The following LCORL variants were observed in gnomAD, a reference collection of about 807,000 sequenced individuals.
LCORL encodes ligand-dependent nuclear receptor corepressor-like protein.
A neutral mutation model predicts 141.8 loss-of-function variants in LCORL; 41 were observed. That is an observed-to-expected ratio of 0.29 (90% confidence interval 0.23 to 0.38). LCORL has a LOEUF of 0.38. LCORL is among the 10% of genes least tolerant of loss of function. The pLI is 1.00. For synonymous variants in LCORL, 618 were observed against 694.1 expected (o/e 0.89, Z 1.72); for missense variants, 1,759 against 2,035.0 (o/e 0.86, Z 2.61).
chr4:18,007,036 C>T (rs1226468590), intron 1 of LCORL, among the ~76,000 whole-genome samples: 1 of 152,118 alleles, frequency 6.6e-6, no homozygotes, highest in Non-Finnish European at 1.5e-5. Flanking sequence ...ATAGTCTCCC[C>T]CTCTTCTCTG....
rs1035527784 is a variant in LCORL, at chr4:17,948,165, T to TA, written c.430+13737dup. The stretch of plus-strand genomic sequence containing the variant: ...AAAATATGAACACCTGCATGGTCGA[T>TA]AAAAAAATAGTATTTTAAGTAGAAT... On this transcript the variant is annotated intron_variant, in intron 4 of 7. Transcript: ENST00000635767. Among the ~76,000 whole-genome samples, 3 of 151,916 alleles carry TA rather than the reference T, an allele frequency of 2.0e-5. No individual in the cohort carries two copies. The South Asian group carries it at 6.2e-4, about 31-fold the overall frequency.
chr4:17,995,248 G>T (rs1720723786), intron 1 of LCORL, among the ~76,000 whole-genome samples: 1 of 146,334 alleles, frequency 6.8e-6, no homozygotes. Flanking sequence ...ATTTTTTTTA[G>T]GCATATGTCA....
rs1370488461 is a variant in LCORL at position 17,850,394 on chromosome 4, C to T, written c.5603-4493G>A. On this transcript the variant is annotated intron_variant, in intron 7 of 7. Coordinates refer to ENST00000635767, the Ensembl canonical transcript of LCORL. ...CACAACCTACTCATCTGACAAAGGG[C>T]TAATATCCAGAATCTACAATGAACT... Among the ~76,000 whole-genome samples, 10 of 149,638 alleles carry T rather than the reference C, an allele frequency of 6.7e-5. No homozygotes were observed. In the East Asian group the frequency reaches 1.4e-3, roughly 22 times the overall value.
At chr4:17,983,631 C>A (rs1038329864) in intron 1 of LCORL, among the ~76,000 whole-genome samples, 4 of 152,036 alleles carry the variant, frequency 2.6e-5, no homozygotes, top group Admixed American at 2.0e-4. Flanking sequence ...TGAAATTTTG[C>A]TGAAGTTGTT....
intron 4 of LCORL, among the ~76,000 whole-genome samples, chr4:17,959,487 T>C (rs764860844): frequency 1.3e-4 from 19 of 151,984 alleles, no homozygotes; most frequent in Non-Finnish European, 2.5e-4. Context: ...CTCTTAATAT[T>C]GTTTTGGCAT....
Position 18,021,711 on chromosome 4 carries a change from G to GC in LCORL, c.40dup (p.Ala14GlyfsTer41). The GC allele has an allele frequency of 1.3e-6, 2 of 1,528,186 alleles. No individual in the cohort carries two copies. Among genetic ancestry groups the GC allele is most frequent in the Non-Finnish European group, 8.8e-7 (1 of 1,138,122 alleles). 94.7% of individuals were successfully genotyped at this position (1,528,186 alleles called of 1,614,324 possible). A position where few individuals can be genotyped will look rare whatever the true frequency, so the allele number is the denominator to read the frequency against. On this transcript the variant is annotated frameshift_variant, in exon 1 of 8. Transcript: ENST00000635767. LOFTEE classifies it high-confidence loss of function. The surrounding 1 kb of genome is among the most constrained non-coding windows in gnomAD (Gnocchi z 5.5). ...AGCGGCGGCGGCGGCGGCGGCAGCA[G>GC]CGGCGGCGGCAGCGGCCATTCTCTC...
At chr4:17,985,183 A>C (rs1718744312) in intron 1 of LCORL, among the ~76,000 whole-genome samples, 1 of 151,986 alleles carries the variant, frequency 6.6e-6, no homozygotes, top group African/African-American at 2.4e-5. Flanking sequence ...TTTTATGTCC[A>C]ATTGTGCAGT....
chr4:17,917,212 T>TG (rs1275931514), intron 4 of LCORL, among the ~76,000 whole-genome samples: 41 of 150,602 alleles, frequency 2.7e-4, no homozygotes, highest in East Asian at 3.9e-4. Context: ...TGTTTTGTTT[T>TG]TTTTTGAGAA....
At chr4:17,972,971 C>A (rs1716262127) in intron 1 of LCORL, 86 bp from the exon 2 acceptor site, 2 of 550,294 alleles carry the variant, frequency 3.6e-6, no homozygotes, top group South Asian at 4.1e-5. Flanking sequence ...TATCAATCAG[C>A]AAATTAATTT....
At chr4:18,012,968 A>T (rs1367492044) in intron 1 of LCORL, among the ~76,000 whole-genome samples, 2 of 152,226 alleles carry the variant, frequency 1.3e-5, no homozygotes, top group African/African-American at 2.4e-5. Context: ...AAATTAGTTT[A>T]CGACAAATGT....
At chr4:18,016,132 A>T (rs1345692681) in intron 1 of LCORL, among the ~76,000 whole-genome samples, 1 of 151,944 alleles carries the variant, frequency 6.6e-6, no homozygotes, top group Non-Finnish European at 1.5e-5. Context: ...TCTATTGGCA[A>T]AAACGTTAAG....
At chr4:17,932,016 C>T (rs35654348) in intron 4 of LCORL, among the ~76,000 whole-genome samples, 19,319 of 152,202 alleles carry the variant, frequency 0.13, 1,368 homozygotes, top group South Asian at 0.26. Flanking sequence ...TTATGAATTA[C>T]GGTCTTTAAC....
intron 1 of LCORL, among the ~76,000 whole-genome samples, chr4:17,981,860 T>C (rs1341558665): frequency 1.3e-5 from 2 of 152,146 alleles, no homozygotes; most frequent in Non-Finnish European, 2.9e-5. Flanking sequence ...ATAAGCCTAA[T>C]ACCCAATAGT....
intron 1 of LCORL, among the ~76,000 whole-genome samples, chr4:17,992,724 C>A (rs1037213957): frequency 5.9e-5 from 9 of 152,220 alleles, no homozygotes; most frequent in Non-Finnish European, 1.3e-4. Flanking sequence ...TCACACTTAA[C>A]TAGTGAAGTG....
At chr4:17,976,573 T>C (rs1050203784) in intron 1 of LCORL, among the ~76,000 whole-genome samples, 4 of 152,170 alleles carry the variant, frequency 2.6e-5, no homozygotes, top group Admixed American at 1.3e-4. Context: ...TATATATAAC[T>C]TACTTAAAAA....
chr4:17,965,925 T>C (rs1266373616), intron 2 of LCORL, among the ~76,000 whole-genome samples: 1 of 152,066 alleles, frequency 6.6e-6, no homozygotes, highest in Admixed American at 6.6e-5. Flanking sequence ...ATTTAGCGTT[T>C]CCAAAGACAA....
At chr4:17,956,374 A>G (rs1426152640) in intron 4 of LCORL, among the ~76,000 whole-genome samples, 1 of 152,172 alleles carries the variant, frequency 6.6e-6, no homozygotes, top group Non-Finnish European at 1.5e-5. Context: ...TTACTGCAGT[A>G]CTATTCACAA....
At chr4:17,866,511 G>A (rs1306184887) in intron 7 of LCORL, among the ~76,000 whole-genome samples, 3 of 152,116 alleles carry the variant, frequency 2.0e-5, no homozygotes, top group African/African-American at 7.2e-5. Context: ...ATAGGTACAG[G>A]CTTTTAAAAT....
intron 7 of LCORL, among the ~76,000 whole-genome samples, chr4:17,865,031 A>G (rs1243834780): frequency 6.6e-6 from 1 of 152,240 alleles, no homozygotes; most frequent in East Asian, 1.9e-4. Flanking sequence ...TGAAAGGATA[A>G]AAAGGAAAAT....
Sources: allele counts gnomAD v4.1 joint callset (sites outside exome capture counted in the v4.1 genomes callset), GRCh38; gene constraint gnomAD v4.1.1; non-coding constraint Gnocchi (gnomAD v3.1); transcripts MANE v1.5; gene names NCBI Gene and HGNC (gene_info 2026-07-23, HGNC 2026-07-21).